The following ROBO2 variants were observed in gnomAD, a reference collection of about 807,000 sequenced individuals.
The protein encoded by ROBO2 is roundabout homolog 2.
In ROBO2, 53 loss-of-function variants were observed where a neutral mutation model predicts 160.8. The ratio of observed to expected loss-of-function variants is 0.33; its 90% CI spans 0.26 to 0.41. The LOEUF (loss-of-function observed/expected upper bound fraction) is 0.41, where lower values mean the gene tolerates loss of function less well. ROBO2 is among the 10% of genes least tolerant of loss of function. The probability of loss-of-function intolerance (pLI) is 1.00; values close to 1 mark genes in which losing one functional copy is unlikely to be tolerated. For missense variants in ROBO2, 1,577 were observed against 1,722.4 expected, an observed-to-expected ratio of 0.92 and a Z score of 1.49; for synonymous variants, 664 against 611.7, an observed-to-expected ratio of 1.09 and a Z score of -1.26.
At chr3:76,691,104 G>A (rs1483165103) in intron 2 of ROBO2, among the ~76,000 whole-genome samples, 6 of 152,034 alleles carry the variant, frequency 3.9e-5, no homozygotes, top group African/African-American at 1.4e-4. Flanking sequence ...ACCTTTAACA[G>A]GTGATTAGAT....
intron 19 of ROBO2, among the ~76,000 whole-genome samples, chr3:77,601,116 G>T (rs1022246073): frequency 6.6e-6 from 1 of 151,982 alleles, no homozygotes; most frequent in African/African-American, 2.4e-5. Context: ...AAATTCAAAA[G>T]CAAAAGTAAT....
chr3:77,434,991 G>T (rs923642725), intron 2 of ROBO2, among the ~76,000 whole-genome samples: 6 of 151,996 alleles, frequency 3.9e-5, no homozygotes, highest in African/African-American at 1.4e-4. Context: ...TGAGATTGAT[G>T]AAGTCCTGTT....
At chr3:77,093,534 A>G (rs2070622796) in intron 1 of ROBO2, among the ~76,000 whole-genome samples, 1 of 151,770 alleles carries the variant, frequency 6.6e-6, no homozygotes, top group Non-Finnish European at 1.5e-5. Context: ...CCCCAACCCC[A>G]CACCACCACT....
intron 23 of ROBO2, among the ~76,000 whole-genome samples, chr3:77,625,044 C>T (rs939082986): frequency 2.0e-5 from 3 of 151,976 alleles, no homozygotes; most frequent in Non-Finnish European, 4.4e-5. Context: ...AGGGACAGAG[C>T]CCATTTTTTT....
intron 2 of ROBO2, among the ~76,000 whole-genome samples, chr3:76,786,016 A>G (rs1373978712): frequency 6.6e-6 from 1 of 151,400 alleles, no homozygotes; most frequent in East Asian, 2.0e-4. Flanking sequence ...CCTGATATAT[A>G]TTTACCTCTT....
At chr3:76,495,787 A>G (rs2080116882) in intron 2 of ROBO2, among the ~76,000 whole-genome samples, 1 of 152,184 alleles carries the variant, frequency 6.6e-6, no homozygotes, top group African/African-American at 2.4e-5. Context: ...TATGAAATCC[A>G]TGTGTGAGAT....
At chr3:77,216,552 A>AGCTCATG (rs2084981500) in intron 2 of ROBO2, among the ~76,000 whole-genome samples, 1 of 152,132 alleles carries the variant, frequency 6.6e-6, no homozygotes, top group South Asian at 2.1e-4. Context: ...GCCCTGCTTC[A>AGCTCATG]GCTCATGCTC....
chr3:77,338,584 GA>G (rs1452039953), intron 2 of ROBO2, among the ~76,000 whole-genome samples: 2 of 152,084 alleles, frequency 1.3e-5, no homozygotes, highest in East Asian at 1.9e-4. Flanking sequence ...AAAATGAAAA[GA>G]TTTTTTTAAT....
At chr3:76,583,833 A>G (rs2085857402) in intron 2 of ROBO2, among the ~76,000 whole-genome samples, 1 of 152,132 alleles carries the variant, frequency 6.6e-6, no homozygotes, top group African/African-American at 2.4e-5. Flanking sequence ...AGTGGATCTG[A>G]ATTCTATTCC....
At chr3:76,461,657 A>T (rs2078092895) in intron 2 of ROBO2, among the ~76,000 whole-genome samples, 1 of 152,240 alleles carries the variant, frequency 6.6e-6, no homozygotes, top group Admixed American at 6.5e-5. Context: ...AAAATATTTC[A>T]GAACAATTTC....
At chr3:76,094,391 G>C (rs2069356660) in intron 2 of ROBO2, among the ~76,000 whole-genome samples, 1 of 152,196 alleles carries the variant, frequency 6.6e-6, no homozygotes, top group Non-Finnish European at 1.5e-5. Flanking sequence ...CACTAAGAGA[G>C]ACATGTGTTT....
intron 1 of ROBO2, among the ~76,000 whole-genome samples, chr3:77,077,840 A>G (rs1189035822): frequency 6.6e-6 from 1 of 152,144 alleles, no homozygotes; most frequent in African/African-American, 2.4e-5. Context: ...ATTCCTGGGT[A>G]TTCTAGAATC....
chr3:75,959,696 T>C (rs1948843989), intron 2 of ROBO2, among the ~76,000 whole-genome samples: 1 of 151,766 alleles, frequency 6.6e-6, no homozygotes, highest in Non-Finnish European at 1.5e-5. Flanking sequence ...GCTAGGTTTT[T>C]ATTTCTACCT....
chr3:77,012,223 C>T (rs2061964117), intron 2 of ROBO2, among the ~76,000 whole-genome samples: 1 of 152,132 alleles, frequency 6.6e-6, no homozygotes, highest in Non-Finnish European at 1.5e-5. Context: ...CTTGGCTCCA[C>T]TACAGCATAC....
intron 2 of ROBO2, among the ~76,000 whole-genome samples, chr3:76,606,141 T>TA (rs1028043305): frequency 7.9e-5 from 12 of 151,122 alleles, no homozygotes; most frequent in Admixed American, 4.0e-4. Flanking sequence ...GTTTCTTAAT[T>TA]AAAAAAAAAT....
chr3:76,633,738 A>G (rs1262274205), intron 2 of ROBO2, among the ~76,000 whole-genome samples: 1 of 152,230 alleles, frequency 6.6e-6, no homozygotes, highest in Admixed American at 6.5e-5. Context: ...TCTATGACGT[A>G]GATACAATTA....
chr3:77,026,046 A>G (rs1200243485), intron 2 of ROBO2, among the ~76,000 whole-genome samples: 1 of 152,226 alleles, frequency 6.6e-6, no homozygotes, highest in African/African-American at 2.4e-5. Context: ...AAAATACAGC[A>G]AAGTTTATAT....
chr3:77,180,408 C>CTATATA (rs1227677498), intron 2 of ROBO2, among the ~76,000 whole-genome samples: 1 of 101,530 alleles, frequency 9.8e-6, no homozygotes, highest in African/African-American at 3.4e-5. Flanking sequence ...CTCTCTCTCT[C>CTATATA]TCTCTCTCTA....
chr3:76,270,513 A>G (rs1252995929), intron 2 of ROBO2, among the ~76,000 whole-genome samples: 1 of 152,096 alleles, frequency 6.6e-6, no homozygotes, highest in Non-Finnish European at 1.5e-5. Context: ...CCATTATCGT[A>G]GATGATAACT....
Sources: allele counts gnomAD v4.1 joint callset (sites outside exome capture counted in the v4.1 genomes callset), GRCh38; gene constraint gnomAD v4.1.1; transcripts MANE v1.5; gene names NCBI Gene and HGNC (gene_info 2026-07-23, HGNC 2026-07-21).